Variants in CCDC102B observed in about 807,000 individuals in gnomAD.
CCDC102B encodes coiled-coil domain-containing protein 102B.
In CCDC102B, 75 loss-of-function variants were observed where a neutral mutation model predicts 57.4. The ratio of observed to expected loss-of-function variants is 1.31; its 90% confidence interval spans 1.08 to 1.58. CCDC102B has a LOEUF of 1.58. Ranked by LOEUF, CCDC102B falls within the 40% of genes most tolerant of loss-of-function variation. The probability of loss-of-function intolerance (pLI) is 0.00; values close to 1 mark genes in which losing one functional copy is unlikely to be tolerated. For synonymous variants in CCDC102B, 206 were observed against 201.9 expected (o/e 1.02, Z -0.17); for missense variants, 636 against 582.6 (o/e 1.09, Z -0.94).
chr18:68,874,812 A>G lies in CCDC102B; in HGVS notation c.1053+27A>G, dbSNP rs191781031. 55 of 1,323,436 alleles carry G rather than the reference A, an allele frequency of 4.2e-5. No homozygotes were observed. The Admixed American group carries it at 7.4e-4, about 18-fold the overall frequency. 82.0% of individuals were successfully genotyped at this position (1,323,436 alleles called of 1,614,324 possible). A position where few individuals can be genotyped will look rare whatever the true frequency, so the allele number is the denominator to read the frequency against. On this transcript the variant is annotated intron_variant, in intron 5 of 7. Transcript: ENST00000360242. ...TAAGACACTGGGTAAAGAGTACCAT[A>G]TATATTAAAACATAACTGACTGTTG...
intron 6 of CCDC102B, among the ~76,000 whole-genome samples, chr18:68,968,009 A>G (rs1179629092): frequency 6.6e-6 from 1 of 152,188 alleles, no homozygotes; most frequent in African/African-American, 2.4e-5. Flanking sequence ...CATAAGGCAA[A>G]TGGAAATCTA....
Position 68,751,448 on chromosome 18 carries a change from C to T in CCDC102B, c.-67+34854C>T, listed in dbSNP as rs576931. On this transcript the variant is annotated intron_variant, in intron 2 of 3. Coordinates refer to the CCDC102B transcript ENST00000578970. Reference sequence around the variant, plus strand: ...AGCACTTCAGCACTATGCTTGGGGGCCGCTGTAAACAGAGAAATCACCAAG... The same window carrying T: ...AGCACTTCAGCACTATGCTTGGGGGTCGCTGTAAACAGAGAAATCACCAAG... Among the ~76,000 whole-genome samples the T allele has an allele frequency of 3.6e-3, 540 of 152,024 alleles. 2 individuals are homozygous for T. The highest frequency in any genetic ancestry group is 0.012 in the African/African-American group (511 of 41,470).
At chr18:68,730,306 C>T (rs527716678) in intron 2 of CCDC102B, among the ~76,000 whole-genome samples, 8 of 152,076 alleles carry the variant, frequency 5.3e-5, no homozygotes, top group Non-Finnish European at 1.2e-4. Context: ...TGTTTTCTTT[C>T]TCTTAAAAAA....
At chr18:68,939,186 C>T (rs2049318333) in intron 6 of CCDC102B, among the ~76,000 whole-genome samples, 1 of 151,744 alleles carries the variant, frequency 6.6e-6, no homozygotes, top group African/African-American at 2.4e-5. Flanking sequence ...TAAGTTATCT[C>T]AGTAAGCAAC....
At chr18:68,752,246 C>T (rs749872825) in intron 2 of CCDC102B, among the ~76,000 whole-genome samples, 8 of 151,650 alleles carry the variant, frequency 5.3e-5, no homozygotes, top group East Asian at 1.9e-4. Context: ...GGTGACAGAG[C>T]GAGACTCTGT....
chr18:68,766,343 C>G (rs375737890), intron 2 of CCDC102B, among the ~76,000 whole-genome samples: 16 of 152,146 alleles, frequency 1.1e-4, no homozygotes, highest in African/African-American at 3.9e-4. Flanking sequence ...CATCCTGCAT[C>G]TGACCCAGTG....
intron 7 of CCDC102B, among the ~76,000 whole-genome samples, chr18:69,031,579 A>C (rs2052146872): frequency 6.6e-6 from 1 of 152,054 alleles, no homozygotes; most frequent in African/African-American, 2.4e-5. Flanking sequence ...AATTAAACAC[A>C]ATTATTTACT....
rs1031653869 is a variant in CCDC102B, at chr18:68,910,164, G to A, written c.1263+12736G>A. ...AAAAATTCACTGGGCACAGTGGTACGTGCCTGAAATCCTAGCTACTTCAGA... is the reference window on the plus strand; with the variant it reads ...AAAAATTCACTGGGCACAGTGGTACATGCCTGAAATCCTAGCTACTTCAGA... On this transcript the variant is annotated intron_variant, in intron 6 of 7. Transcript: ENST00000360242. Among the ~76,000 whole-genome samples, 11 of 152,116 alleles carry A rather than the reference G, an allele frequency of 7.2e-5. No homozygotes were observed. The East Asian group carries it at 1.9e-3, about 27-fold the overall frequency.
chr18:68,915,318 G>A (rs758634722), intron 6 of CCDC102B, among the ~76,000 whole-genome samples: 1 of 152,146 alleles, frequency 6.6e-6, no homozygotes, highest in Non-Finnish European at 1.5e-5. Flanking sequence ...TGATTAACTG[G>A]CTGGGTATGT....
chr18:68,752,267 T>A (rs910247248), intron 2 of CCDC102B, among the ~76,000 whole-genome samples: 1 of 150,894 alleles, frequency 6.6e-6, no homozygotes, highest in Admixed American at 6.6e-5. Flanking sequence ...CTCAAAAAAA[T>A]AAAAATAAAA....
intron 4 of CCDC102B, among the ~76,000 whole-genome samples, chr18:68,864,681 T>C (rs1415515061): frequency 6.6e-6 from 1 of 152,076 alleles, no homozygotes; most frequent in African/African-American, 2.4e-5. Flanking sequence ...ATTTTTATCC[T>C]TCTGTCCTTA....
At chr18:68,779,898 T>A (rs2034949541) in intron 2 of CCDC102B, among the ~76,000 whole-genome samples, 1 of 152,100 alleles carries the variant, frequency 6.6e-6, no homozygotes. Flanking sequence ...TACAGTTCAA[T>A]AGTTTTAGTA....
chr18:69,036,405 A>G (rs2052293025), intron 7 of CCDC102B, among the ~76,000 whole-genome samples: 7 of 152,110 alleles, frequency 4.6e-5, no homozygotes, highest in Admixed American at 4.6e-4. Context: ...TTTTAGCAAG[A>G]CGACCTGGGG....
intron 2 of CCDC102B, among the ~76,000 whole-genome samples, chr18:68,716,785 T>G (rs1335527163): frequency 6.6e-6 from 1 of 151,818 alleles, no homozygotes; most frequent in Non-Finnish European, 1.5e-5. Flanking sequence ...AATTAAAAAA[T>G]TAGCCAGATG....
chr18:68,804,313 A>G (rs1322656605), intron 1 of CCDC102B, among the ~76,000 whole-genome samples: 1 of 152,128 alleles, frequency 6.6e-6, no homozygotes. Flanking sequence ...TTGTTTTTGA[A>G]CATGTGAAAT....
chr18:68,904,706 C>T (rs190744319), intron 6 of CCDC102B, among the ~76,000 whole-genome samples: 1 of 152,140 alleles, frequency 6.6e-6, no homozygotes, highest in African/African-American at 2.4e-5. Flanking sequence ...CACACACACA[C>T]AGAATTGAAT....
At chr18:68,883,638 T>C (rs1490737251) in intron 5 of CCDC102B, among the ~76,000 whole-genome samples, 1 of 152,168 alleles carries the variant, frequency 6.6e-6, no homozygotes, top group Non-Finnish European at 1.5e-5. Context: ...AACTCTAAAC[T>C]AAACCATTGT....
intron 7 of CCDC102B, among the ~76,000 whole-genome samples, chr18:69,052,061 A>T (rs1277852005): frequency 6.6e-6 from 1 of 151,992 alleles, no homozygotes. Flanking sequence ...AAATGAAAAA[A>T]AAATGATAAA....
intron 5 of CCDC102B, among the ~76,000 whole-genome samples, chr18:68,883,325 C>G (rs891073110): frequency 3.9e-5 from 6 of 152,028 alleles, no homozygotes; most frequent in African/African-American, 9.7e-5. Context: ...GCAAGAGAAT[C>G]GCTCAAACCC....
Sources: gnomAD v4.1 joint callset for allele counts (sites outside exome capture counted in the v4.1 genomes callset) on GRCh38, gnomAD v4.1.1 for gene constraint, MANE v1.5 for transcripts, NCBI Gene and HGNC (gene_info 2026-07-23, HGNC 2026-07-21) for gene names.